ARID3A: variants seen among roughly 807,000 people sequenced by gnomAD.
The protein encoded by ARID3A is AT-rich interaction domain 3A.
In ARID3A, 11 loss-of-function variants were observed where a neutral mutation model predicts 52.7. The ratio of observed to expected loss-of-function variants is 0.21; its 90% CI spans 0.13 to 0.35. ARID3A has a LOEUF of 0.35. ARID3A is among the 10% of genes least tolerant of loss of function. The pLI is 1.00. For synonymous variants in ARID3A, 404 were observed against 359.4 expected, an observed-to-expected ratio of 1.12 and a Z score of -1.40; for missense variants, 721 against 838.5, an observed-to-expected ratio of 0.86 and a Z score of 1.73.
In ARID3A at chr19:942,294, C is replaced by T. The variant is rs547116851; in HGVS notation, c.693+9552C>T. ...TCGATGGCCCAAATTACCTGACTGT[C>T]GATCCTGACTGGGGCGGTGGCGACA... On this transcript the variant is annotated intron_variant, in intron 3 of 8. Transcript: ENST00000263620. This position sits in a 1 kb window ranked among gnomAD's most constrained non-coding sequence, Gnocchi z 8.1. Among the ~76,000 whole-genome samples the T allele has an allele frequency of 4.6e-4, 70 of 152,338 alleles. No individual in the cohort carries two copies. Among genetic ancestry groups the T allele is most frequent in the Non-Finnish European group, 6.5e-4 (44 of 68,020 alleles).
intron 8 of ARID3A, 67 bp downstream of exon 8, chr19:968,570 G>C (rs1178263020): frequency 8.7e-5 from 129 of 1,487,916 alleles, no homozygotes; most frequent in Non-Finnish European, 2.4e-5. Flanking sequence ...TCAGGACCCT[G>C]AGTTGCGCCT....
At chr19:930,721 A>C (rs145848515) in intron 2 of ARID3A, among the ~76,000 whole-genome samples, 1 of 149,978 alleles carries the variant, frequency 6.7e-6, no homozygotes, top group African/African-American at 2.4e-5. Context: ...ATGTTAGCCA[A>C]GATGGTCTCG....
chr19:932,482 G>A lies in ARID3A; in HGVS notation c.433G>A (p.Glu145Lys), dbSNP rs1157927357. The change falls in exon 3 of 9, where the codon GAG becomes AAG. Residue 145 changes from glutamate to lysine, a missense_variant. Glu to Lys is a moderately conservative substitution (Grantham distance 56, BLOSUM62 1). Coordinates refer to ENST00000263620, the MANE Select transcript of ARID3A (RefSeq NM_005224.3). ...DLGEDEEEEEEDYEDEEEEED... is the reference protein window; with the variant it reads ...DLGEDEEEEEKDYEDEEEEED... ...CGGGGAGGATGAGGAGGAGGAGGAG[G>A]AGGATTACGAGGATGAGGAGGAGGA... is the stretch of plus-strand genomic sequence containing the variant. The A allele has an allele frequency of 1.3e-6, 2 of 1,571,220 alleles. No individual in the cohort carries two copies. The highest frequency in any genetic ancestry group is 2.1e-5 in the Admixed American group (1 of 47,774).
chr19:929,550 G>C lies in ARID3A; in HGVS notation c.22G>C (p.Glu8Gln). 1 of 1,522,064 alleles carries C rather than the reference G, an allele frequency of 6.6e-7. No homozygotes were observed. The highest frequency in any genetic ancestry group is 8.8e-7 in the Non-Finnish European group (1 of 1,141,118). The allele number at this position is 1,522,064 out of a possible 1,614,324, so 94.3% of individuals were successfully genotyped here. Residue 8 changes from glutamate (E) to glutamine (Q), a missense_variant, in exon 2 of 9, where the codon GAG becomes CAG. Transcript: ENST00000263620. The surrounding 1 kb of genome is among the most constrained non-coding windows in gnomAD (Gnocchi z 6.2). ...GGCCATGAAACTACAGGCCGTGATGGAGACGCTGTTGCAGCGGCAGCAGCG... is the reference window on the plus strand; with the variant it reads ...GGCCATGAAACTACAGGCCGTGATGCAGACGCTGTTGCAGCGGCAGCAGCG... MKLQAVM[E>Q]TLLQRQQRAR...
chr19:951,954 G>T, intron 3 of ARID3A, among the ~76,000 whole-genome samples: 1 of 151,508 alleles, frequency 6.6e-6, no homozygotes, highest in East Asian at 2.0e-4. Context: ...TGGCCAACAT[G>T]GTGAAACCCC....
chr19:943,440 T>C (rs1260558508), intron 3 of ARID3A, among the ~76,000 whole-genome samples: 1 of 151,148 alleles, frequency 6.6e-6, no homozygotes, highest in Non-Finnish European at 1.5e-5. Flanking sequence ...TGGTGGCGGG[T>C]GCCTGTAATC....
chr19:954,617 G>C (rs559715606), intron 3 of ARID3A, among the ~76,000 whole-genome samples: 1 of 152,192 alleles, frequency 6.6e-6, no homozygotes, highest in South Asian at 2.1e-4. Context: ...GGGTCCAAGG[G>C]GGGCCGTGAG....
At chr19:930,967 C>T (rs1319948271) in intron 2 of ARID3A, among the ~76,000 whole-genome samples, 1 of 152,130 alleles carries the variant, frequency 6.6e-6, no homozygotes, top group African/African-American at 2.4e-5. Context: ...GGATCCTGGC[C>T]TCCAGGAACC....
intron 3 of ARID3A, among the ~76,000 whole-genome samples, chr19:951,380 A>T (rs1022285939): frequency 2.0e-5 from 3 of 151,702 alleles, no homozygotes; most frequent in African/African-American, 7.3e-5. Context: ...CATGGTGTGA[A>T]ACCCCATCTC....
rs753758154 is a variant in ARID3A at position 964,926 on chromosome 19, G to A, written c.1044G>A (p.Glu348=). ...LQAAIDSNRR[E]GRRQSFGGSL... is the part of the protein sequence containing the mutation. ...CAGCCATAGACAGCAACCGACGGGA[G>A]GGCCGGCGCCAGAGCTTTGGTGGCT... is the stretch of plus-strand genomic sequence containing the variant. The change falls in exon 6 of 9, where the codon GAG becomes GAA. Residue 348 remains glutamate, a synonymous_variant. Transcript: ENST00000263620. The surrounding 1 kb of genome is among the most constrained non-coding windows in gnomAD (Gnocchi z 5.7). 8 of 1,614,024 alleles carry A rather than the reference G, an allele frequency of 5.0e-6. No homozygotes were observed. The Admixed American group carries it at 1.0e-4, about 20-fold the overall frequency.
Position 972,152 on chromosome 19 carries a change from G to A in ARID3A, c.*87G>A, listed in dbSNP as rs367651447. On this transcript the variant is annotated 3_prime_UTR_variant, in exon 9 of 9. Coordinates refer to ENST00000263620, the MANE Select transcript of ARID3A (RefSeq NM_005224.3). Reference sequence around the variant, plus strand: ...TGGGCCACACAGGGGCCAGGATGGCGGAAGATACGGGTGGGGAGGGAAGAT... The same window carrying A: ...TGGGCCACACAGGGGCCAGGATGGCAGAAGATACGGGTGGGGAGGGAAGAT... 2.9e-3 allele frequency: 3,656 copies of A among 1,274,022 alleles called. 13 individuals are homozygous for A. The highest frequency in any genetic ancestry group is 0.017 in the South Asian group (1,084 of 63,510). 78.9% of individuals were successfully genotyped at this position (1,274,022 alleles called of 1,614,324 possible). A position where few individuals can be genotyped will look rare whatever the true frequency, so the allele number is the denominator to read the frequency against.
At chr19:943,305 A>T (rs910523724) in intron 3 of ARID3A, among the ~76,000 whole-genome samples, 1 of 151,148 alleles carries the variant, frequency 6.6e-6, no homozygotes, top group African/African-American at 2.4e-5. Context: ...GCAGTGTCTC[A>T]TGCCTGTAAT....
At chr19:969,593 C>CATAGATATAT (rs1429667428) in intron 8 of ARID3A, among the ~76,000 whole-genome samples, 6 of 151,022 alleles carry the variant, frequency 4.0e-5, no homozygotes, top group Non-Finnish European at 8.8e-5. Flanking sequence ...TGTAGCTATA[C>CATAGATATAT]ATAGATATAT....
At position 929,522 on chromosome 19, in the gene ARID3A, C is replaced by T. The variant is rs1243662473; in HGVS notation, c.-7C>T. 2.0e-6 allele frequency: 3 copies of T among 1,510,496 alleles called. No individual in the cohort carries two copies. The highest frequency in any genetic ancestry group is 2.6e-6 in the Non-Finnish European group (3 of 1,135,690). 93.6% of individuals were successfully genotyped at this position (1,510,496 alleles called of 1,614,324 possible). A position where few individuals can be genotyped will look rare whatever the true frequency, so the allele number is the denominator to read the frequency against. ...GTGGTGGTGGTGGTGGCCCGGGCCGCAGGGCCATGAAACTACAGGCCGTGA... is the reference window on the plus strand; with the variant it reads ...GTGGTGGTGGTGGTGGCCCGGGCCGTAGGGCCATGAAACTACAGGCCGTGA... On this transcript the variant is annotated 5_prime_UTR_variant, in exon 2 of 9. Coordinates refer to ENST00000263620, the MANE Select transcript of ARID3A (RefSeq NM_005224.3). This position sits in a 1 kb window ranked among gnomAD's most constrained non-coding sequence, Gnocchi z 6.2.
At chr19:934,390 C>T (rs1432605440) in intron 3 of ARID3A, among the ~76,000 whole-genome samples, 4 of 152,218 alleles carry the variant, frequency 2.6e-5, no homozygotes, top group African/African-American at 9.6e-5. Flanking sequence ...CCCCACAGCC[C>T]GCAGCATGTC....
intron 3 of ARID3A, among the ~76,000 whole-genome samples, chr19:936,250 C>G (rs1465030590): frequency 1.3e-5 from 2 of 152,224 alleles, no homozygotes; most frequent in Non-Finnish European, 2.9e-5. Context: ...ATACAATTCA[C>G]TGTTTTAATT....
At position 947,508 on chromosome 19, in the gene ARID3A, G is replaced by A. The variant is rs760044942; in HGVS notation, c.694-12584G>A. On this transcript the variant is annotated intron_variant, in intron 3 of 8. Transcript: ENST00000263620. This position sits in a 1 kb window ranked among gnomAD's most constrained non-coding sequence, Gnocchi z 6.3. Reference sequence around the variant, plus strand: ...GGTCAGCGTCTCCTCCCTGAGCAAGGGACTCCCCCATCCATGTCTCAGCCC... The same window carrying A: ...GGTCAGCGTCTCCTCCCTGAGCAAGAGACTCCCCCATCCATGTCTCAGCCC... Among the ~76,000 whole-genome samples, 20 of 152,086 alleles carry A rather than the reference G, an allele frequency of 1.3e-4. No homozygotes were observed. The highest frequency in any genetic ancestry group is 3.2e-3 in the Middle Eastern group (1 of 316).
intron 4 of ARID3A, among the ~76,000 whole-genome samples, chr19:962,115 C>T (rs1453663085): frequency 6.6e-6 from 1 of 152,190 alleles, no homozygotes; most frequent in Admixed American, 6.5e-5. Context: ...TTGGCTTCCT[C>T]CAGGAGCTTC....
In ARID3A at chr19:968,436, C is replaced by G. The variant is rs2038209222; in HGVS notation, c.1527C>G (p.Asn509Lys). The change falls in exon 8 of 9, where the codon AAC becomes AAG. Residue 509 changes from asparagine to lysine, a missense_variant. By Grantham distance (94) the Asn-to-Lys change is moderately conservative. Around this residue, in one of 5 missense-constraint regions of ARID3A, gnomAD observed 297 missense variants for 343.2 expected, o/e 0.87. Coordinates refer to ENST00000263620, the MANE Select transcript of ARID3A (RefSeq NM_005224.3). ...ASESRQDSAVNLTGTNGSNSI... is the reference protein window; with the variant it reads ...ASESRQDSAVKLTGTNGSNSI... ...AAAGCCGCCAGGACTCTGCTGTGAA[C>G]CTGACGGGCACCAACGGCAGCAACA... The G allele has an allele frequency of 6.2e-7, 1 of 1,614,066 alleles. No individual in the cohort carries two copies. Among genetic ancestry groups the G allele is most frequent in the South Asian group, 1.1e-5 (1 of 91,086 alleles).
Sources: allele counts gnomAD v4.1 joint callset (sites outside exome capture counted in the v4.1 genomes callset), GRCh38; gene constraint gnomAD v4.1.1; regional missense constraint gnomAD v4.1.1; non-coding constraint Gnocchi (gnomAD v3.1); transcripts MANE v1.5; gene names NCBI Gene and HGNC (gene_info 2026-07-23, HGNC 2026-07-21).